The following PCDHGA11 variants were observed in gnomAD, a reference collection of about 807,000 sequenced individuals.
PCDHGA11 encodes the protein protocadherin gamma-A11.
PCDHGA11 carries 39 observed loss-of-function variants against 60.4 expected under a neutral mutation model. The ratio of observed to expected loss-of-function variants is 0.65; its 90% CI spans 0.50 to 0.84. The LOEUF is 0.84. Among genes scored for constraint, PCDHGA11 ranks in the 40% least tolerant of loss-of-function variants. PCDHGA11 has a pLI of 0.00. For missense variants in PCDHGA11, 1,165 were observed against 1,197.7 expected, an observed-to-expected ratio of 0.97 and a Z score of 0.40; for synonymous variants, 533 against 510.3, an observed-to-expected ratio of 1.04 and a Z score of -0.60.
rs2099615817 is a variant in PCDHGA11 at position 141,485,564 on chromosome 5, C to G, written c.2434-9243C>G. On this transcript the variant is annotated intron_variant, in intron 1 of 3. Coordinates refer to ENST00000398587, the MANE Select transcript of PCDHGA11 (RefSeq NM_018914.3). This position sits in a 1 kb window ranked among gnomAD's most constrained non-coding sequence, Gnocchi z 5.7. ...GATCGTAGATGTGAATGATCACGCCCCCCGTTTTCCGCGGCAGCAGCTGGA... is the reference window on the plus strand; with the variant it reads ...GATCGTAGATGTGAATGATCACGCCGCCCGTTTTCCGCGGCAGCAGCTGGA... 6.2e-7 allele frequency: 1 copy of G among 1,612,958 alleles called. No individual in the cohort carries two copies. The highest frequency in any genetic ancestry group is 8.5e-7 in the Non-Finnish European group (1 of 1,179,052).
rs200491568 is a variant in PCDHGA11, at chr5:141,493,146, G to A, written c.2434-1661G>A. 9.6e-6 allele frequency among the ~76,000 whole-genome samples: 1 copy of A among 104,172 alleles called. No homozygotes were observed. The highest frequency in any genetic ancestry group is 3.1e-5 in the African/African-American group (1 of 32,680). 68.3% of individuals were successfully genotyped at this position (104,172 alleles called of 152,430 possible). A position where few individuals can be genotyped will look rare whatever the true frequency, so the allele number is the denominator to read the frequency against. On this transcript the variant is annotated intron_variant, in intron 1 of 3. Transcript: ENST00000398587. The surrounding 1 kb of genome is among the most constrained non-coding windows in gnomAD (Gnocchi z 4.3). ...AGGACTGTATTTTGAAACACCCCCA[G>A]GTGATTTTGATAGCTGATTGAGAGA... is the stretch of plus-strand genomic sequence containing the variant.
Position 141,422,272 on chromosome 5 carries a change from A to T in PCDHGA11, c.1045A>T (p.Thr349Ser). The change falls in exon 1 of 4, where the codon ACT (threonine) becomes TCT (serine). Residue 349 changes from threonine to serine, a missense_variant. Thr to Ser is a moderately conservative substitution (Grantham distance 58, BLOSUM62 1). Coordinates refer to ENST00000398587, the MANE Select transcript of PCDHGA11 (RefSeq NM_018914.3). ...VDVNDNAPEI[T>S]ITSSINSILE... ...TGTGAATGATAACGCTCCAGAAATA[A>T]CTATCACCTCTTCTATTAATTCAAT... 8.3e-6 allele frequency: 13 copies of T among 1,561,362 alleles called. No homozygotes were observed. Among genetic ancestry groups the T allele is most frequent in the Non-Finnish European group, 1.1e-5 (13 of 1,159,998 alleles).
rs763187246 is a variant in PCDHGA11 at position 141,477,168 on chromosome 5, A to G, written c.2434-17639A>G. ...GTGGATGTGAATGACAACGCCCCGGAGATCACAGTCACCTCCGTGTACAGC... is the reference window on the plus strand; with the variant it reads ...GTGGATGTGAATGACAACGCCCCGGGGATCACAGTCACCTCCGTGTACAGC... On this transcript the variant is annotated intron_variant, in intron 1 of 3. Transcript: ENST00000398587. The surrounding 1 kb of genome is among the most constrained non-coding windows in gnomAD (Gnocchi z 4.9). The G allele has an allele frequency of 6.2e-7, 1 of 1,614,210 alleles. No homozygotes were observed. Among genetic ancestry groups the G allele is most frequent in the Non-Finnish European group, 8.5e-7 (1 of 1,180,040 alleles).
At position 141,477,115 on chromosome 5, in the gene PCDHGA11, A is replaced by T. The variant is rs1218111107; in HGVS notation, c.2434-17692A>T. On this transcript the variant is annotated intron_variant, in intron 1 of 3. Coordinates refer to ENST00000398587, the MANE Select transcript of PCDHGA11 (RefSeq NM_018914.3). The surrounding 1 kb of genome is among the most constrained non-coding windows in gnomAD (Gnocchi z 4.9). Reference sequence around the variant, plus strand: ...AAGACAAGGGCGCCAATCCCGAAGGAGCACATTGCAAAGTGTTGGTGGAGG... The same window carrying T: ...AAGACAAGGGCGCCAATCCCGAAGGTGCACATTGCAAAGTGTTGGTGGAGG... The T allele has an allele frequency of 6.2e-7, 1 of 1,614,230 alleles. No individual in the cohort carries two copies. Among genetic ancestry groups the T allele is most frequent in the Non-Finnish European group, 8.5e-7 (1 of 1,180,038 alleles).
chr5:141,474,022 A>G (rs929139769), intron 1 of PCDHGA11, among the ~76,000 whole-genome samples: 1 of 152,160 alleles, frequency 6.6e-6, no homozygotes, highest in African/African-American at 2.4e-5. Flanking sequence ...GTGAGCTATG[A>G]TTATTCCACT....
intron 1 of PCDHGA11, among the ~76,000 whole-genome samples, chr5:141,437,431 A>G (rs1282194918): frequency 6.6e-6 from 1 of 152,234 alleles, no homozygotes; most frequent in African/African-American, 2.4e-5. Flanking sequence ...TGAAGCAGCA[A>G]TAGCATAGGA....
At chr5:141,444,329 G>A (rs536314842) in intron 1 of PCDHGA11, among the ~76,000 whole-genome samples, 17 of 151,674 alleles carry the variant, frequency 1.1e-4, no homozygotes, top group Admixed American at 1.1e-3. Flanking sequence ...GTGCCACCAC[G>A]CCCAGCTAAT....
intron 2 of PCDHGA11, among the ~76,000 whole-genome samples, chr5:141,497,781 C>T (rs2099779421): frequency 1.3e-5 from 2 of 152,192 alleles, no homozygotes; most frequent in African/African-American, 4.8e-5. Flanking sequence ...CTCAACTGAT[C>T]CACCTGCTTC....
At chr5:141,499,620 G>A (rs557854340) in intron 2 of PCDHGA11, among the ~76,000 whole-genome samples, 1 of 150,986 alleles carries the variant, frequency 6.6e-6, no homozygotes, top group Non-Finnish European at 1.5e-5. Context: ...TCCTGTCCTT[G>A]GATTCTTTTG....
intron 2 of PCDHGA11, among the ~76,000 whole-genome samples, chr5:141,502,056 C>T (rs1163976282): frequency 1.3e-5 from 2 of 152,116 alleles, no homozygotes; most frequent in Non-Finnish European, 2.9e-5. Flanking sequence ...CTACTTTATT[C>T]CCATTAGCCC....
chr5:141,507,616 G>A (rs1288020739), intron 3 of PCDHGA11, among the ~76,000 whole-genome samples: 3 of 152,252 alleles, frequency 2.0e-5, no homozygotes, highest in Non-Finnish European at 4.4e-5. Context: ...GGTATATTTA[G>A]CTGTTGTGGC....
At position 141,477,019 on chromosome 5, in the gene PCDHGA11, C is replaced by T. The variant is rs148675327; in HGVS notation, c.2434-17788C>T. 1.9e-5 allele frequency: 30 copies of T among 1,614,242 alleles called. No individual in the cohort carries two copies. Among genetic ancestry groups the T allele is most frequent in the Non-Finnish European group, 2.5e-5 (30 of 1,180,048 alleles). On this transcript the variant is annotated intron_variant, in intron 1 of 3. Transcript: ENST00000398587. This position sits in a 1 kb window ranked among gnomAD's most constrained non-coding sequence, Gnocchi z 4.9. ...AACTATTCGCCTTAGACCTTGTAAC[C>T]GGGATGCTGACAATCAAGGGTCGGC...
chr5:141,426,848 C>T (rs1379697529), intron 1 of PCDHGA11: 3 of 456,552 alleles, frequency 6.6e-6, no homozygotes, highest in Admixed American at 4.7e-5. Context: ...AAGGCAAGAA[C>T]GCTCCAGAAT....
In PCDHGA11 at chr5:141,486,600, C is replaced by G. The variant is rs748395954; in HGVS notation, c.2434-8207C>G. Reference sequence around the variant, plus strand: ...AATCGCCCAGGGGACCTGCTTTGCTCCCTTGCAGCCTCTGACCCAGACTCT... The same window carrying G: ...AATCGCCCAGGGGACCTGCTTTGCTGCCTTGCAGCCTCTGACCCAGACTCT... On this transcript the variant is annotated intron_variant, in intron 1 of 3. Transcript: ENST00000398587. This position sits in a 1 kb window ranked among gnomAD's most constrained non-coding sequence, Gnocchi z 5.0. 21 of 1,613,602 alleles carry G rather than the reference C, an allele frequency of 1.3e-5. No individual in the cohort carries two copies. Among genetic ancestry groups the G allele is most frequent in the South Asian group, 2.2e-5 (2 of 91,086 alleles).
chr5:141,451,908 G>C (rs899191624), intron 1 of PCDHGA11, among the ~76,000 whole-genome samples: 1 of 152,046 alleles, frequency 6.6e-6, no homozygotes, highest in Non-Finnish European at 1.5e-5. Flanking sequence ...AAGGGAGGGA[G>C]GGAGGAAGGA....
Position 141,486,032 on chromosome 5 carries a change from G to C in PCDHGA11, c.2434-8775G>C, listed in dbSNP as rs560909128. The C allele has an allele frequency of 1.2e-6, 2 of 1,614,166 alleles. No individual in the cohort carries two copies. Among genetic ancestry groups the C allele is most frequent in the African/African-American group, 2.7e-5 (2 of 75,034 alleles). On this transcript the variant is annotated intron_variant, in intron 1 of 3. Transcript: ENST00000398587. This position sits in a 1 kb window ranked among gnomAD's most constrained non-coding sequence, Gnocchi z 5.0. ...CTTTTATTTCAGTGGTCATACCCCT[G>C]ATCGTGTAAGAAACCTCTTTAGCCT... is the stretch of plus-strand genomic sequence containing the variant.
intron 3 of PCDHGA11, among the ~76,000 whole-genome samples, chr5:141,507,625 G>C (rs2099862215): frequency 6.6e-6 from 1 of 152,256 alleles, no homozygotes; most frequent in Non-Finnish European, 1.5e-5. Context: ...AGCTGTTGTG[G>C]CCTTGCGCCC....
Position 141,487,070 on chromosome 5 carries a change from C to T in PCDHGA11, c.2434-7737C>T. ...TGCTGGGGAGGTGCGGACGGCTGTT[C>T]CTATCCCAGCTGACCTCCCACCACA... On this transcript the variant is annotated intron_variant, in intron 1 of 3. Coordinates refer to ENST00000398587, the MANE Select transcript of PCDHGA11 (RefSeq NM_018914.3). This position sits in a 1 kb window ranked among gnomAD's most constrained non-coding sequence, Gnocchi z 5.0. The T allele has an allele frequency of 6.2e-7, 1 of 1,614,154 alleles. No homozygotes were observed. Among genetic ancestry groups the T allele is most frequent in the Non-Finnish European group, 8.5e-7 (1 of 1,180,008 alleles).
chr5:141,451,739 G>A (rs1343538104), intron 1 of PCDHGA11, among the ~76,000 whole-genome samples: 1 of 152,082 alleles, frequency 6.6e-6, no homozygotes, highest in East Asian at 1.9e-4. Flanking sequence ...AAAATTAGCT[G>A]GTCTGGTGGT....
Sources: gnomAD v4.1 joint callset for allele counts (sites outside exome capture counted in the v4.1 genomes callset) on GRCh38, gnomAD v4.1.1 for gene constraint, Gnocchi (gnomAD v3.1) non-coding constraint, MANE v1.5 for transcripts, NCBI Gene and HGNC (gene_info 2026-07-23, HGNC 2026-07-21) for gene names.